The following RASEF variants were observed in gnomAD, a reference collection of about 807,000 sequenced individuals.
The protein encoded by RASEF is RAS and EF-hand domain containing.
In RASEF, 68 loss-of-function variants were observed where a neutral mutation model predicts 90.1. The observed-to-expected ratio is 0.75, with a 90% CI of 0.62 to 0.92. RASEF has a LOEUF of 0.92. RASEF is among the 40% of genes least tolerant of loss of function. RASEF has a pLI of 0.00. For synonymous variants in RASEF, 331 were observed against 345.2 expected (o/e 0.96, Z 0.46); for missense variants, 949 against 937.2 (o/e 1.01, Z -0.16).
chr9:83,076,979 A>G, the RASEF span, among the ~76,000 whole-genome samples: 5 of 152,266 alleles, frequency 3.3e-5, no homozygotes, highest in African/African-American at 1.2e-4. Flanking sequence ...TTCACTTTGG[A>G]ATTTTTATAT....
the RASEF span, among the ~76,000 whole-genome samples, chr9:83,190,999 G>A: frequency 6.6e-6 from 1 of 152,124 alleles, no homozygotes; most frequent in Non-Finnish European, 1.5e-5. Context: ...TTAGTGCATG[G>A]CCTGGGTACC....
chr9:83,126,948 T>G, the RASEF span, among the ~76,000 whole-genome samples: 2 of 152,236 alleles, frequency 1.3e-5, no homozygotes, highest in Non-Finnish European at 2.9e-5. Context: ...TTTTAGATCT[T>G]TTTATGCTCT....
At chr9:83,147,380 A>C in the RASEF span, among the ~76,000 whole-genome samples, 1 of 152,324 alleles carries the variant, frequency 6.6e-6, no homozygotes, top group African/African-American at 2.4e-5. Flanking sequence ...GTCGGCGCAT[A>C]TTAAAATTGT....
At chr9:83,000,407 A>G (rs1446775905) in intron 11 of RASEF, 26 bp downstream of exon 11, 12 of 1,612,714 alleles carry the variant, frequency 7.4e-6, no homozygotes, top group Non-Finnish European at 1.0e-5. Context: ...GTGTTCATGA[A>G]TAGGAGTGTC....
chr9:83,108,874 C>T, the RASEF span, among the ~76,000 whole-genome samples: 1 of 152,072 alleles, frequency 6.6e-6, no homozygotes, highest in Admixed American at 6.6e-5. Context: ...CATTTGTTCT[C>T]CCTCAAGGGA....
the RASEF span, among the ~76,000 whole-genome samples, chr9:83,145,839 T>C: frequency 7.2e-5 from 11 of 152,234 alleles, no homozygotes; most frequent in East Asian, 1.3e-3. Flanking sequence ...TGGGTCTGGA[T>C]TCCCTAGTGG....
intron 3 of RASEF, among the ~76,000 whole-genome samples, chr9:83,021,485 T>C (rs1241913655): frequency 6.6e-6 from 1 of 152,234 alleles, no homozygotes; most frequent in Non-Finnish European, 1.5e-5. Flanking sequence ...AAAAAAATTA[T>C]TTCTTCAATG....
the RASEF span, among the ~76,000 whole-genome samples, chr9:83,157,102 T>A: frequency 6.6e-6 from 1 of 152,226 alleles, no homozygotes; most frequent in African/African-American, 2.4e-5. Context: ...AAGCTACTTC[T>A]ACAGTCAGCC....
the RASEF span, among the ~76,000 whole-genome samples, chr9:83,181,252 G>T: frequency 2.0e-5 from 3 of 151,846 alleles, no homozygotes; most frequent in African/African-American, 7.3e-5. Context: ...CGTGAGGCTT[G>T]AGAGGCATAA....
intron 1 of RASEF, chr9:83,055,671 T>G (rs1003775637): frequency 2.8e-6 from 2 of 717,884 alleles, no homozygotes; most frequent in African/African-American, 3.5e-5. Flanking sequence ...GTTTTGAAAT[T>G]GTGTAGCCAA....
chr9:83,013,401 A>G (rs1829283417), intron 4 of RASEF, among the ~76,000 whole-genome samples: 1 of 152,236 alleles, frequency 6.6e-6, no homozygotes, highest in Admixed American at 6.5e-5. Context: ...TAGTGTTTAC[A>G]TAACAACGTC....
chr9:83,085,476 A>C, the RASEF span, among the ~76,000 whole-genome samples: 1 of 151,994 alleles, frequency 6.6e-6, no homozygotes, highest in Non-Finnish European at 1.5e-5. Flanking sequence ...TCTACCAAAA[A>C]TACAAAAATT....
the RASEF span, among the ~76,000 whole-genome samples, chr9:83,167,471 G>A: frequency 6.6e-6 from 1 of 151,834 alleles, no homozygotes; most frequent in African/African-American, 2.4e-5. Context: ...GTTCTACAGA[G>A]GTTGACTCTA....
At chr9:83,184,578 C>T in the RASEF span, among the ~76,000 whole-genome samples, 5 of 152,138 alleles carry the variant, frequency 3.3e-5, no homozygotes, top group Non-Finnish European at 7.3e-5. Context: ...CCATCCTTCA[C>T]TCTGTCACTC....
chr9:83,004,572 G>A lies in RASEF; in HGVS notation c.1128C>T (p.Ile376=). ...TTCTAGAAATTGTATTCCCTGGTGA[G>A]ATATTATTTATATGCTGTAATATAG... ...KFNRSLHINN[I]SPGNTISRSS... The change falls in exon 9 of 17, where the codon ATC becomes ATT. Residue 376 remains isoleucine (I), a synonymous_variant. Coordinates refer to ENST00000376447, the MANE Select transcript of RASEF (RefSeq NM_152573.4). 1 of 1,578,946 alleles carries A rather than the reference G, an allele frequency of 6.3e-7. No individual in the cohort carries two copies. The highest frequency in any genetic ancestry group is 1.7e-5 in the Admixed American group (1 of 59,988).
the RASEF span, among the ~76,000 whole-genome samples, chr9:83,136,713 TC>T: frequency 0.031 from 4,675 of 152,142 alleles, 242 homozygotes; most frequent in African/African-American, 0.11. Flanking sequence ...TTCTATTTGT[TC>T]CCCCTTACTC....
At chr9:83,197,360 G>C in the RASEF span, among the ~76,000 whole-genome samples, 4 of 152,114 alleles carry the variant, frequency 2.6e-5, no homozygotes, top group Non-Finnish European at 4.4e-5. Flanking sequence ...GAACAACAAC[G>C]TAGGCTATGA....
At chr9:83,171,493 C>T in the RASEF span, among the ~76,000 whole-genome samples, 2 of 151,692 alleles carry the variant, frequency 1.3e-5, no homozygotes, top group East Asian at 3.9e-4. Context: ...TTCTGAGTTC[C>T]AGTAGAATTG....
chr9:83,169,827 T>C, the RASEF span, among the ~76,000 whole-genome samples: 1 of 152,128 alleles, frequency 6.6e-6, no homozygotes, highest in Non-Finnish European at 1.5e-5. Flanking sequence ...TTGAGTTTCT[T>C]ATATATTCTG....
Sources: gnomAD v4.1 joint callset for allele counts (sites outside exome capture counted in the v4.1 genomes callset) on GRCh38, gnomAD v4.1.1 for gene constraint, MANE v1.5 for transcripts, NCBI Gene and HGNC (gene_info 2026-07-23, HGNC 2026-07-21) for gene names.